EVC2: variants seen among roughly 807,000 people sequenced by gnomAD.
EVC2 encodes the protein limbin.
EVC2 carries 148 observed loss-of-function variants against 149.3 expected under a neutral mutation model. That is an observed-to-expected ratio of 0.99 (90% confidence interval 0.87 to 1.14). The LOEUF (loss-of-function observed/expected upper bound fraction) is 1.14, where lower values mean the gene tolerates loss of function less well. EVC2 is among the 50% of genes most tolerant of loss of function. EVC2 has a pLI of 0.00. For synonymous variants in EVC2, 776 were observed against 649.9 expected (o/e 1.19, Z -2.95); for missense variants, 1,854 against 1,627.3 (o/e 1.14, Z -2.40).
chr4:5,585,289 T>C (rs2108789459), intron 16 of EVC2, among the ~76,000 whole-genome samples: 1 of 152,284 alleles, frequency 6.6e-6, no homozygotes, highest in South Asian at 2.1e-4. Flanking sequence ...CCTTCCCAGC[T>C]GTGCGCTGTG....
At chr4:5,708,088 C>G (rs1056613515) in intron 1 of EVC2, 198 bp downstream of exon 1, 2 of 458,624 alleles carry the variant, frequency 4.4e-6, no homozygotes, top group African/African-American at 4.1e-5. Context: ...TGCCACACCC[C>G]GAGGAAGGTC....
At chr4:5,544,593 T>C (rs959102864) in intron 21 of EVC2, among the ~76,000 whole-genome samples, 12 of 151,690 alleles carry the variant, frequency 7.9e-5, no homozygotes, top group Admixed American at 1.3e-4. Context: ...GAGGGAAGAG[T>C]AGACTCCCAT....
intron 7 of EVC2, among the ~76,000 whole-genome samples, chr4:5,680,898 C>A (rs1457898199): frequency 1.3e-5 from 2 of 152,072 alleles, no homozygotes; most frequent in Non-Finnish European, 2.9e-5. Context: ...GAGACCCGCC[C>A]CACAGACTGC....
chr4:5,585,952 C>G (rs541254859), intron 16 of EVC2, among the ~76,000 whole-genome samples: 9 of 152,294 alleles, frequency 5.9e-5, no homozygotes, highest in African/African-American at 1.9e-4. Context: ...ACCTCCACCT[C>G]CTGGGTTCAA....
intron 1 of EVC2, among the ~76,000 whole-genome samples, chr4:5,700,077 T>C (rs1577272694): frequency 6.6e-6 from 1 of 151,918 alleles, no homozygotes; most frequent in Admixed American, 6.6e-5. Flanking sequence ...GAGGCAGAGG[T>C]TGCAGTGAGT....
chr4:5,612,438 AAGG>A (rs1714893955), intron 16 of EVC2, among the ~76,000 whole-genome samples: 1 of 152,178 alleles, frequency 6.6e-6, no homozygotes, highest in South Asian at 2.1e-4. Context: ...TTTGGCCAAA[AAGG>A]AGATGGGTCT....
At chr4:5,697,718 T>C (rs1419104639) in intron 1 of EVC2, 71 bp from the exon 2 acceptor site, 1 of 1,394,908 alleles carries the variant, frequency 7.2e-7, no homozygotes, top group African/African-American at 1.4e-5. Flanking sequence ...ATAATCTTTG[T>C]AAATGACTCA....
At chr4:5,568,114 C>T (rs1577099001) in intron 20 of EVC2, among the ~76,000 whole-genome samples, 2 of 152,158 alleles carry the variant, frequency 1.3e-5, no homozygotes, top group East Asian at 3.9e-4. Context: ...CAGACACACA[C>T]TTGTAAAACC....
chr4:5,577,690 C>G (rs945809903), intron 17 of EVC2, among the ~76,000 whole-genome samples: 2 of 152,188 alleles, frequency 1.3e-5, no homozygotes, highest in African/African-American at 4.8e-5. Flanking sequence ...CTCTCTATAG[C>G]ATGGACACCA....
chr4:5,584,467 A>T (rs1712086942), intron 17 of EVC2, among the ~76,000 whole-genome samples, 156 bp downstream of exon 17: 1 of 152,178 alleles, frequency 6.6e-6, no homozygotes, highest in Non-Finnish European at 1.5e-5. Flanking sequence ...AGAGAGTGCC[A>T]AGTACTCTCC....
At chr4:5,615,868 A>G (rs1047369672) in intron 15 of EVC2, among the ~76,000 whole-genome samples, 2 of 152,232 alleles carry the variant, frequency 1.3e-5, no homozygotes, top group Non-Finnish European at 2.9e-5. Context: ...CAGACCTGTC[A>G]GCCTCTCTGA....
chr4:5,538,809 G>C (rs1017401228), downstream of EVC2, among the ~76,000 whole-genome samples: 1 of 152,044 alleles, frequency 6.6e-6, no homozygotes, highest in Non-Finnish European at 1.5e-5. Flanking sequence ...TAGGAATAAA[G>C]GGAAACTTCC....
At chr4:5,531,611 T>C in the EVC2 span, among the ~76,000 whole-genome samples, 2 of 152,110 alleles carry the variant, frequency 1.3e-5, no homozygotes, top group Non-Finnish European at 2.9e-5. Flanking sequence ...CAAACCCTAC[T>C]GTGAACTGCA....
chr4:5,665,717 G>T lies in EVC2; in HGVS notation c.871-68C>A, dbSNP rs970360904. 1.9e-6 allele frequency: 3 copies of T among 1,590,164 alleles called. No individual in the cohort carries two copies. In the African/African-American group the frequency reaches 4.0e-5, roughly 21 times the overall value. On this transcript the variant is annotated intron_variant, in intron 7 of 21. Coordinates refer to ENST00000344408, the MANE Select transcript of EVC2 (RefSeq NM_147127.5). ...AGCATGTCTCCCAGGCCTCACAGAT[G>T]ATTGAGTGTCAGAGCAGACCAAGCA...
intron 17 of EVC2, among the ~76,000 whole-genome samples, chr4:5,578,725 A>C (rs1711512447): frequency 6.6e-6 from 1 of 152,068 alleles, no homozygotes; most frequent in Non-Finnish European, 1.5e-5. Context: ...GAGAGATAAT[A>C]GATTGGGGGA....
chr4:5,640,690 A>G lies in EVC2; in HGVS notation c.1294T>C (p.Phe432Leu). The G allele has an allele frequency of 6.2e-7, 1 of 1,614,102 alleles. No homozygotes were observed. Among genetic ancestry groups the G allele is most frequent in the Non-Finnish European group, 8.5e-7 (1 of 1,180,022 alleles). The change falls in exon 10 of 22, where the codon TTC (phenylalanine) becomes CTC (leucine). Residue 432 changes from phenylalanine to leucine, a missense_variant. Phe to Leu is a conservative substitution (Grantham distance 22). Transcript: ENST00000344408. This position sits in a 1 kb window ranked among gnomAD's most constrained non-coding sequence, Gnocchi z 4.6. ...PQVERKMSAV[F>L]KKQFLLLENE... ...TCCAGCAATAGAAACTGCTTTTTGAAAACAGCACTCATTTTTCTCTCTACT... is the reference window on the plus strand; with the variant it reads ...TCCAGCAATAGAAACTGCTTTTTGAGAACAGCACTCATTTTTCTCTCTACT...
intron 12 of EVC2, 92 bp downstream of exon 12, chr4:5,628,467 T>A: frequency 6.6e-7 from 1 of 1,506,148 alleles, no homozygotes; most frequent in Non-Finnish European, 9.1e-7. Flanking sequence ...ATATCTCTTC[T>A]ATTTATAAAT....
At chr4:5,702,442 AAT>A (rs1170491915) in intron 1 of EVC2, among the ~76,000 whole-genome samples, 1 of 152,202 alleles carries the variant, frequency 6.6e-6, no homozygotes, top group Non-Finnish European at 1.5e-5. Flanking sequence ...GAAGGCCCTC[AAT>A]AGACATTGCG....
At chr4:5,674,856 A>G (rs908472036) in intron 7 of EVC2, among the ~76,000 whole-genome samples, 3 of 152,222 alleles carry the variant, frequency 2.0e-5, no homozygotes, top group African/African-American at 7.2e-5. Flanking sequence ...AACTGGAGGC[A>G]GAAAGGATAG....
Sources: allele counts gnomAD v4.1 joint callset (sites outside exome capture counted in the v4.1 genomes callset), GRCh38; gene constraint gnomAD v4.1.1; non-coding constraint Gnocchi (gnomAD v3.1); transcripts MANE v1.5; gene names NCBI Gene and HGNC (gene_info 2026-07-23, HGNC 2026-07-21).